Variants in ARK2C observed in about 807,000 individuals in gnomAD.
ARK2C encodes the protein arkadia (RNF111) C-terminal like ring finger ubiquitin ligase 2C.
the ARK2C span, among the ~76,000 whole-genome samples, chr18:46,356,095 T>C: frequency 6.6e-6 from 1 of 152,192 alleles, no homozygotes; most frequent in African/African-American, 2.4e-5. Flanking sequence ...TCTTCCCTTA[T>C]TCTCTCCTTT....
chr18:46,434,903 G>C, the ARK2C span, among the ~76,000 whole-genome samples: 1 of 152,142 alleles, frequency 6.6e-6, no homozygotes, highest in Admixed American at 6.5e-5. Context: ...AGCATGATGG[G>C]AGTAGAGGGG....
the ARK2C span, among the ~76,000 whole-genome samples, chr18:46,370,051 A>G: frequency 2.6e-5 from 4 of 152,204 alleles, no homozygotes; most frequent in African/African-American, 7.2e-5. Flanking sequence ...GGCCCCCTCA[A>G]TGTGAAGGAG....
At chr18:46,448,476 G>A in the ARK2C span, among the ~76,000 whole-genome samples, 1 of 152,198 alleles carries the variant, frequency 6.6e-6, no homozygotes, top group Non-Finnish European at 1.5e-5. Flanking sequence ...TGTGGGTAAA[G>A]GGCTCAGGGC....
the ARK2C span, among the ~76,000 whole-genome samples, chr18:46,407,557 T>TTTTTG: frequency 2.8e-3 from 433 of 152,298 alleles, no homozygotes; most frequent in Middle Eastern, 0.01. Context: ...GTTTAGTGTT[T>TTTTTG]TTTTGTTTTG....
chr18:46,383,833 G>A, the ARK2C span, among the ~76,000 whole-genome samples: 3 of 151,254 alleles, frequency 2.0e-5, no homozygotes, highest in East Asian at 1.9e-4. Context: ...TCACAGGCGT[G>A]AGCCACCGCG....
the ARK2C span, among the ~76,000 whole-genome samples, chr18:46,434,678 A>G: frequency 6.6e-6 from 1 of 152,224 alleles, no homozygotes; most frequent in Non-Finnish European, 1.5e-5. Context: ...GCACACTTTC[A>G]GAACTGCTGG....
At chr18:46,343,559 C>G in the ARK2C span, among the ~76,000 whole-genome samples, 1 of 152,220 alleles carries the variant, frequency 6.6e-6, no homozygotes, top group African/African-American at 2.4e-5. Context: ...ATAGTCCTGG[C>G]TTCATGGCCT....
chr18:46,360,439 TC>T, the ARK2C span, among the ~76,000 whole-genome samples: 39 of 152,340 alleles, frequency 2.6e-4, no homozygotes, highest in African/African-American at 8.9e-4. Context: ...TCCTGGGAAC[TC>T]AGGGTTCCTG....
At chr18:46,450,190 A>G in the ARK2C span, 1 of 760,776 alleles carries the variant, frequency 1.3e-6, no homozygotes, top group Non-Finnish European at 2.4e-6. Context: ...TTCTGCCCAC[A>G]GCATCTCAGG....
At chr18:46,403,492 G>A in the ARK2C span, among the ~76,000 whole-genome samples, 1 of 152,100 alleles carries the variant, frequency 6.6e-6, no homozygotes. Context: ...TCTATCCACA[G>A]ACATTTCATA....
chr18:46,429,410 C>A, the ARK2C span, among the ~76,000 whole-genome samples: 1 of 152,220 alleles, frequency 6.6e-6, no homozygotes, highest in Non-Finnish European at 1.5e-5. Context: ...TCAGGCATTT[C>A]TTTCCTGAAA....
chr18:46,374,014 A>G, the ARK2C span, among the ~76,000 whole-genome samples: 1 of 150,954 alleles, frequency 6.6e-6, no homozygotes, highest in African/African-American at 2.4e-5. Context: ...GTTTCTAATT[A>G]CTCCTGGTGT....
the ARK2C span, among the ~76,000 whole-genome samples, chr18:46,453,421 C>T: frequency 3.3e-5 from 5 of 151,602 alleles, no homozygotes; most frequent in East Asian, 1.9e-4. Flanking sequence ...TCAACAGGCA[C>T]GAGGAAATTG....
the ARK2C span, among the ~76,000 whole-genome samples, chr18:46,344,935 C>T: frequency 6.6e-6 from 1 of 152,216 alleles, no homozygotes; most frequent in Non-Finnish European, 1.5e-5. Flanking sequence ...GTGGCCCAGG[C>T]CTCCCCTCTG....
chr18:46,403,394 C>T, the ARK2C span, among the ~76,000 whole-genome samples: 1 of 152,176 alleles, frequency 6.6e-6, no homozygotes, highest in African/African-American at 2.4e-5. Flanking sequence ...TCCCTGCCCC[C>T]CGTCTCCCTC....
the ARK2C span, among the ~76,000 whole-genome samples, chr18:46,414,841 C>T: frequency 6.6e-6 from 1 of 152,162 alleles, no homozygotes; most frequent in African/African-American, 2.4e-5. Flanking sequence ...TCATTGGGAG[C>T]CATTTCACCC....
At chr18:46,340,052 G>T in the ARK2C span, among the ~76,000 whole-genome samples, 1 of 152,222 alleles carries the variant, frequency 6.6e-6, no homozygotes, top group Admixed American at 6.5e-5. Context: ...GATTCAGGGT[G>T]TGACTTTGGT....
chr18:46,417,731 G>T, the ARK2C span, among the ~76,000 whole-genome samples: 1 of 152,206 alleles, frequency 6.6e-6, no homozygotes, highest in Non-Finnish European at 1.5e-5. Flanking sequence ...GGCCGGGAGC[G>T]GTGGCTCACG....
At chr18:46,450,358 A>G in the ARK2C span, 1 of 1,613,964 alleles carries the variant, frequency 6.2e-7, no homozygotes, top group Non-Finnish European at 8.5e-7. Context: ...TCCAGGGACT[A>G]AATCCCAGCA....
Sources: allele counts gnomAD v4.1 joint callset (sites outside exome capture counted in the v4.1 genomes callset), GRCh38; gene constraint gnomAD v4.1.1; transcripts MANE v1.5; gene names NCBI Gene and HGNC (gene_info 2026-07-23, HGNC 2026-07-21).